The following GRK3 variants were observed in gnomAD, a reference collection of about 807,000 sequenced individuals.
GRK3 encodes the protein adrenergic, beta, receptor kinase 2.
Under a neutral mutation model 95.7 loss-of-function variants are expected in GRK3, and 54 were observed. The observed-to-expected ratio is 0.56, with a 90% CI of 0.45 to 0.71. The LOEUF (loss-of-function observed/expected upper bound fraction) is 0.71, where lower values mean the gene tolerates loss of function less well. GRK3 is among the 30% of genes least tolerant of loss of function. The pLI is 0.00. For synonymous variants in GRK3, 281 were observed against 290.8 expected (o/e 0.97, Z 0.34); for missense variants, 649 against 851.2 (o/e 0.76, Z 2.96).
chr22:25,688,014 A>G (rs1208873935), intron 11 of GRK3, among the ~76,000 whole-genome samples: 3 of 152,156 alleles, frequency 2.0e-5, no homozygotes, highest in Non-Finnish European at 2.9e-5. Flanking sequence ...AGGAGGGCGG[A>G]TCACAAGGTC....
At chr22:25,585,021 T>C (rs1334506717) in intron 1 of GRK3, among the ~76,000 whole-genome samples, 42 of 152,268 alleles carry the variant, frequency 2.8e-4, no homozygotes, top group Non-Finnish European at 5.9e-5. Context: ...TCCTAAAGTC[T>C]AGGTAAAGTG....
At chr22:25,673,691 A>G (rs2085003273) in intron 7 of GRK3, among the ~76,000 whole-genome samples, 2 of 152,122 alleles carry the variant, frequency 1.3e-5, no homozygotes, top group Admixed American at 1.3e-4. Context: ...TATGTAAAGT[A>G]GTAGGTACTT....
At chr22:25,670,881 CAAAAAAAAAA>C (rs71191074) in intron 6 of GRK3, among the ~76,000 whole-genome samples, 20 of 65,706 alleles carry the variant, frequency 3.0e-4, no homozygotes, top group African/African-American at 5.6e-4. Flanking sequence ...ACTAAAAATA[CAAAAAAAAAA>C]AAAAAAAAAA....
intron 2 of GRK3, among the ~76,000 whole-genome samples, chr22:25,619,551 A>G (rs1410621176): frequency 6.6e-6 from 1 of 151,840 alleles, no homozygotes; most frequent in Admixed American, 6.6e-5. Context: ...TGGCGTGATC[A>G]TAGCTCACTG....
intron 6 of GRK3, among the ~76,000 whole-genome samples, chr22:25,671,471 T>A (rs2084982894): frequency 6.6e-6 from 1 of 152,238 alleles, no homozygotes; most frequent in Non-Finnish European, 1.5e-5. Context: ...AAAACACTCA[T>A]CAAGCAGTTG....
chr22:25,582,058 C>T (rs1177542361), intron 1 of GRK3, among the ~76,000 whole-genome samples: 6 of 152,108 alleles, frequency 3.9e-5, no homozygotes, highest in Non-Finnish European at 8.8e-5. Context: ...GGGTGGATCA[C>T]CTGAGGTCAG....
chr22:25,594,617 G>A (rs1601460314), intron 1 of GRK3, among the ~76,000 whole-genome samples: 1 of 152,150 alleles, frequency 6.6e-6, no homozygotes, highest in Non-Finnish European at 1.5e-5. Flanking sequence ...AGTGGCTCAC[G>A]CTTGTAATCC....
chr22:25,566,897 G>GTTT lies in GRK3; in HGVS notation c.113+1752_113+1754dup, dbSNP rs574353303. Among the ~76,000 whole-genome samples the GTTT allele has an allele frequency of 4.3e-3, 610 of 143,320 alleles. 3 individuals are homozygous for GTTT. Among genetic ancestry groups the GTTT allele is most frequent in the African/African-American group, 0.015 (577 of 38,224 alleles). 94.0% of individuals were successfully genotyped at this position (143,320 alleles called of 152,430 possible). A position where few individuals can be genotyped will look rare whatever the true frequency, so the allele number is the denominator to read the frequency against. ...ATTGATAAATCTCAACTCATGGGCA[G>GTTT]TTTTTTTTTTGGGGGGGGCTAGTAT... On this transcript the variant is annotated intron_variant, in intron 1 of 20. Coordinates refer to ENST00000324198, the MANE Select transcript of GRK3 (RefSeq NM_005160.4).
intron 3 of GRK3, among the ~76,000 whole-genome samples, chr22:25,657,174 G>A (rs1020562224): frequency 6.6e-6 from 1 of 152,052 alleles, no homozygotes; most frequent in Non-Finnish European, 1.5e-5. Context: ...AAACAGAGGA[G>A]TATTAGGTGT....
intron 3 of GRK3, among the ~76,000 whole-genome samples, chr22:25,656,677 T>C (rs1275954656): frequency 6.6e-6 from 1 of 152,134 alleles, no homozygotes; most frequent in Non-Finnish European, 1.5e-5. Flanking sequence ...ACTGTTCAGA[T>C]GAACAGATAC....
At chr22:25,717,080 T>C (rs188500082) in intron 18 of GRK3, among the ~76,000 whole-genome samples, 1 of 152,212 alleles carries the variant, frequency 6.6e-6, no homozygotes, top group Non-Finnish European at 1.5e-5. Flanking sequence ...TCGGGACCAC[T>C]GCTACACAGT....
At chr22:25,600,552 C>A (rs2084402931) in intron 1 of GRK3, among the ~76,000 whole-genome samples, 1 of 152,164 alleles carries the variant, frequency 6.6e-6, no homozygotes. Flanking sequence ...AAAACCAATA[C>A]AGTATAACAA....
intron 2 of GRK3, among the ~76,000 whole-genome samples, chr22:25,607,959 G>T (rs2084465174): frequency 6.6e-6 from 1 of 152,080 alleles, no homozygotes; most frequent in Non-Finnish European, 1.5e-5. Context: ...AGCTTAATGA[G>T]GTTTAGCTTC....
chr22:25,687,732 C>T (rs1181082463), intron 11 of GRK3, 65 bp downstream of exon 11: 1 of 1,556,416 alleles, frequency 6.4e-7, no homozygotes, highest in African/African-American at 1.4e-5. Flanking sequence ...CTAGAAGTCC[C>T]CTTCTATTTC....
chr22:25,628,748 A>G (rs1183461117), intron 2 of GRK3, among the ~76,000 whole-genome samples: 1 of 152,228 alleles, frequency 6.6e-6, no homozygotes, highest in Non-Finnish European at 1.5e-5. Context: ...TGCTTGTCAC[A>G]GGTTGTCACA....
intron 2 of GRK3, among the ~76,000 whole-genome samples, chr22:25,616,368 C>A (rs544128014): frequency 6.6e-6 from 1 of 150,680 alleles, no homozygotes; most frequent in Non-Finnish European, 1.5e-5. Flanking sequence ...CTTCACATGG[C>A]GGCAGGAGAG....
In GRK3 at chr22:25,584,235, T is replaced by C. The variant is rs7287292; in HGVS notation, c.113+19082T>C. ...GCAGTTTCAGTTGTCTGGAGTCAAT[T>C]GAGGCCTGAAAATGTTACATGGAAA... On this transcript the variant is annotated intron_variant, in intron 1 of 20. Coordinates refer to ENST00000324198, the MANE Select transcript of GRK3 (RefSeq NM_005160.4). Among the ~76,000 whole-genome samples, 1,038 of 146,024 alleles carry C rather than the reference T, an allele frequency of 7.1e-3. 7 individuals are homozygous for C. Among genetic ancestry groups the C allele is most frequent in the Admixed American group, 8.8e-3 (130 of 14,754 alleles).
intron 2 of GRK3, among the ~76,000 whole-genome samples, chr22:25,619,981 T>G (rs2084569153): frequency 6.6e-6 from 1 of 151,316 alleles, no homozygotes; most frequent in Non-Finnish European, 1.5e-5. Flanking sequence ...ATTCCTTCCT[T>G]TACTCTTCCT....
intron 9 of GRK3, among the ~76,000 whole-genome samples, chr22:25,680,246 G>A (rs1401773531): frequency 6.6e-6 from 1 of 152,218 alleles, no homozygotes; most frequent in Admixed American, 6.5e-5. Flanking sequence ...TGGGCATTAA[G>A]CATTTCAAAT....
Sources: gnomAD v4.1 joint callset for allele counts (sites outside exome capture counted in the v4.1 genomes callset) on GRCh38, gnomAD v4.1.1 for gene constraint, MANE v1.5 for transcripts, NCBI Gene and HGNC (gene_info 2026-07-23, HGNC 2026-07-21) for gene names.